Variants in LRRTM4 observed in about 807,000 individuals in gnomAD.
LRRTM4 encodes leucine rich repeat transmembrane neuronal 4.
LRRTM4 carries 25 observed loss-of-function variants against 47.6 expected under a neutral mutation model. That is an observed-to-expected ratio of 0.53 (90% CI 0.38 to 0.73). The LOEUF is 0.73. Among genes scored for constraint, LRRTM4 ranks in the 30% least tolerant of loss-of-function variants. The probability of loss-of-function intolerance (pLI) is 0.00; values close to 1 mark genes in which losing one functional copy is unlikely to be tolerated. For missense variants in LRRTM4, 638 were observed against 713.4 expected (o/e 0.89, Z 1.20); for synonymous variants, 311 against 269.5 (o/e 1.15, Z -1.51).
chr2:77,032,614 G>T (rs1446863471), intron 3 of LRRTM4, among the ~76,000 whole-genome samples: 3 of 152,006 alleles, frequency 2.0e-5, no homozygotes, highest in Non-Finnish European at 4.4e-5. Context: ...ATTTAATCCA[G>T]TTTTTCCTAA....
chr2:77,501,374 T>C (rs1678566544), intron 3 of LRRTM4, among the ~76,000 whole-genome samples: 5 of 150,706 alleles, frequency 3.3e-5, no homozygotes, highest in Admixed American at 1.3e-4. Context: ...ATATAATGCA[T>C]AAAATGTTAA....
intron 3 of LRRTM4, among the ~76,000 whole-genome samples, chr2:77,103,049 A>G (rs1204505228): frequency 2.0e-5 from 3 of 152,154 alleles, no homozygotes; most frequent in African/African-American, 7.2e-5. Flanking sequence ...CCCCATTTAT[A>G]TTGAACAAAG....
chr2:77,384,901 G>A (rs1040266733), intron 3 of LRRTM4, among the ~76,000 whole-genome samples: 1 of 151,984 alleles, frequency 6.6e-6, no homozygotes, highest in African/African-American at 2.4e-5. Flanking sequence ...CAAATTTCAT[G>A]TTATACAAAT....
At chr2:77,394,204 G>T (rs970787294) in intron 3 of LRRTM4, among the ~76,000 whole-genome samples, 3 of 151,784 alleles carry the variant, frequency 2.0e-5, no homozygotes, top group Non-Finnish European at 4.4e-5. Flanking sequence ...TGTGTAAAAA[G>T]AAAATAAATT....
intron 3 of LRRTM4, among the ~76,000 whole-genome samples, chr2:77,011,952 C>T (rs1484259547): frequency 2.6e-5 from 4 of 151,974 alleles, no homozygotes; most frequent in Non-Finnish European, 5.9e-5. Flanking sequence ...GAAGATACCA[C>T]CCCACATTTA....
intron 3 of LRRTM4, among the ~76,000 whole-genome samples, chr2:77,434,035 T>TGTAA (rs1675490069): frequency 1.3e-5 from 2 of 152,252 alleles, no homozygotes; most frequent in South Asian, 2.1e-4. Context: ...CTTCCCAGCA[T>TGTAA]GTAAGTTGCT....
chr2:77,002,080 C>T (rs1310228713), intron 3 of LRRTM4, among the ~76,000 whole-genome samples: 2 of 152,268 alleles, frequency 1.3e-5, no homozygotes, highest in Middle Eastern at 3.4e-3. Context: ...TTAGAATCAA[C>T]ATCATGATGA....
chr2:76,917,120 G>GA (rs1442948389), intron 3 of LRRTM4, among the ~76,000 whole-genome samples: 1 of 152,138 alleles, frequency 6.6e-6, no homozygotes, highest in African/African-American at 2.4e-5. Flanking sequence ...TAGACATTGT[G>GA]AATTGTATAG....
chr2:76,984,583 C>T (rs1676729650), intron 3 of LRRTM4, among the ~76,000 whole-genome samples: 1 of 151,886 alleles, frequency 6.6e-6, no homozygotes, highest in South Asian at 2.1e-4. Flanking sequence ...TTCCTCCTAC[C>T]CTAAACTGTG....
At chr2:77,045,776 C>T (rs1362662501) in intron 3 of LRRTM4, among the ~76,000 whole-genome samples, 1 of 151,800 alleles carries the variant, frequency 6.6e-6, no homozygotes, top group East Asian at 1.9e-4. Context: ...TTGTAAATTG[C>T]TCAGTCTTGG....
chr2:77,435,030 T>G (rs1221447559), intron 3 of LRRTM4, among the ~76,000 whole-genome samples: 1 of 152,126 alleles, frequency 6.6e-6, no homozygotes, highest in Non-Finnish European at 1.5e-5. Flanking sequence ...CTCAATTGTT[T>G]GTCCTATGCA....
chr2:77,195,494 G>A (rs1276151152), intron 3 of LRRTM4, among the ~76,000 whole-genome samples: 1 of 151,906 alleles, frequency 6.6e-6, no homozygotes, highest in Non-Finnish European at 1.5e-5. Context: ...AACTATCTTT[G>A]AAACTAAAGT....
At chr2:77,062,437 G>C (rs953998522) in intron 3 of LRRTM4, among the ~76,000 whole-genome samples, 3 of 152,130 alleles carry the variant, frequency 2.0e-5, no homozygotes, top group African/African-American at 7.2e-5. Context: ...GCTTACACTT[G>C]CAATTTAAGG....
intron 3 of LRRTM4, among the ~76,000 whole-genome samples, chr2:77,063,860 G>C (rs902570081): frequency 6.6e-6 from 1 of 151,902 alleles, no homozygotes; most frequent in South Asian, 2.1e-4. Flanking sequence ...AATTGAGCAG[G>C]CTACTGTTCT....
chr2:77,241,205 T>TAC (rs10555648), intron 3 of LRRTM4, among the ~76,000 whole-genome samples: 2,962 of 119,754 alleles, frequency 0.025, 61 homozygotes, highest in Middle Eastern at 0.048. Flanking sequence ...GAATTGGAAA[T>TAC]ACACACACAC....
At chr2:76,996,763 G>A (rs1558786346) in intron 3 of LRRTM4, among the ~76,000 whole-genome samples, 1 of 151,880 alleles carries the variant, frequency 6.6e-6, no homozygotes, top group African/African-American at 2.4e-5. Context: ...AATCTGCTGA[G>A]AAAAAAATGT....
intron 3 of LRRTM4, among the ~76,000 whole-genome samples, chr2:77,423,200 AAGTTTTTTCTACTTTTC>A (rs1369824175): frequency 6.6e-6 from 1 of 152,094 alleles, no homozygotes; most frequent in Non-Finnish European, 1.5e-5. Context: ...CTTACCATTT[AAGTTTTTTCTACTTTTC>A]AGTGTTATAA....
At chr2:77,108,487 A>G (rs949261952) in intron 3 of LRRTM4, among the ~76,000 whole-genome samples, 9 of 151,918 alleles carry the variant, frequency 5.9e-5, no homozygotes, top group African/African-American at 2.2e-4. Flanking sequence ...TAGAATATAT[A>G]TATTTTAATT....
intron 3 of LRRTM4, among the ~76,000 whole-genome samples, chr2:77,292,539 C>T (rs1014527725): frequency 1.3e-5 from 2 of 151,940 alleles, no homozygotes; most frequent in African/African-American, 4.8e-5. Context: ...GAGTTCATGT[C>T]CTTTGTAGGG....
Sources: allele counts gnomAD v4.1 joint callset (sites outside exome capture counted in the v4.1 genomes callset), GRCh38; gene constraint gnomAD v4.1.1; transcripts MANE v1.5; gene names NCBI Gene and HGNC (gene_info 2026-07-23, HGNC 2026-07-21).